Variants in MTO1 observed in about 807,000 individuals in gnomAD.
MTO1 encodes the protein mitochondrial tRNA translation optimization 1.
A neutral mutation model predicts 71.6 loss-of-function variants in MTO1; 46 were observed. The observed-to-expected ratio is 0.64, with a 90% CI of 0.51 to 0.82. The LOEUF (loss-of-function observed/expected upper bound fraction) is 0.82. Ranked by LOEUF, MTO1 falls within the 40% of genes least tolerant of loss-of-function variation. MTO1 has a pLI of 0.00. For missense variants in MTO1, 773 were observed against 867.5 expected (o/e 0.89, Z 1.37); for synonymous variants, 297 against 312.1 (o/e 0.95, Z 0.51).
At chr6:73,474,528 A>C (rs908705868) in intron 4 of MTO1, among the ~76,000 whole-genome samples, 22 of 152,050 alleles carry the variant, frequency 1.4e-4, no homozygotes, top group Non-Finnish European at 2.5e-4. Context: ...GGTGCACTGC[A>C]ACTTCCGCAT....
chr6:73,469,496 C>T (rs1272195732), intron 3 of MTO1, among the ~76,000 whole-genome samples: 2 of 152,080 alleles, frequency 1.3e-5, no homozygotes, highest in East Asian at 1.9e-4. Flanking sequence ...GTGGCATGCA[C>T]CTGTAATCCC....
Position 73,509,143 on chromosome 6 carries a change from A to G in MTO1, c.*8408A>G, listed in dbSNP as rs1299045975. 1 of 152,166 alleles carries G rather than the reference A, an allele frequency of 6.6e-6. No individual in the cohort carries two copies. Among genetic ancestry groups the G allele is most frequent in the South Asian group, 2.1e-4 (1 of 4,828 alleles). 9.4% of individuals were successfully genotyped at this position (152,166 alleles called of 1,614,324 possible). ...TAACCAAGTTTTATTTATGTTTTTC[A>G]TTTGGTATTAGCCATCTGGTATTTA... is the stretch of plus-strand genomic sequence containing the variant. On this transcript the variant is annotated 3_prime_UTR_variant, in exon 12 of 12. Coordinates refer to ENST00000498286, the MANE Select transcript of MTO1 (RefSeq NM_012123.4).
At chr6:73,467,747 T>C (rs1383296678) in intron 3 of MTO1, among the ~76,000 whole-genome samples, 1 of 152,170 alleles carries the variant, frequency 6.6e-6, no homozygotes, top group Non-Finnish European at 1.5e-5. Flanking sequence ...CTTCCATATT[T>C]CTGAATAGCA....
chr6:73,496,076 G>A (rs1309775808), intron 10 of MTO1, among the ~76,000 whole-genome samples: 1 of 152,084 alleles, frequency 6.6e-6, no homozygotes, highest in Admixed American at 6.6e-5. Context: ...AGTCATCTGG[G>A]CCAGCCCTTG....
At position 73,479,828 on chromosome 6, in the gene MTO1, A is replaced by G. The variant is rs145043138; in HGVS notation, c.922A>G (p.Thr308Ala). 2.8e-3 allele frequency: 4,525 copies of G among 1,613,106 alleles called. 8 individuals are homozygous for G. Among genetic ancestry groups the G allele is most frequent in the Non-Finnish European group, 3.6e-3 (4,210 of 1,179,120 alleles). ...NLHLNSHVKE[T>A]TRGPRYCPSI... is the part of the protein sequence containing the mutation. ...TCACCTTAATAGTCATGTTAAAGAA[A>G]CGACAAGAGGACCTCGGTAAGGACA... is the stretch of plus-strand genomic sequence containing the variant. The change falls in exon 5 of 12, where the codon ACG (threonine) becomes GCG (alanine). Residue 308 changes from threonine (T) to alanine (A), a missense_variant. Coordinates refer to ENST00000498286, the MANE Select transcript of MTO1 (RefSeq NM_012123.4).
At chr6:73,486,070 C>T (rs1304324660) in intron 9 of MTO1, among the ~76,000 whole-genome samples, 1 of 152,158 alleles carries the variant, frequency 6.6e-6, no homozygotes, top group Non-Finnish European at 1.5e-5. Flanking sequence ...GAGCTCTGTA[C>T]TCTGAGGCTT....
intron 10 of MTO1, among the ~76,000 whole-genome samples, chr6:73,496,216 CTACCAA>C (rs1386664554): frequency 6.6e-6 from 1 of 152,150 alleles, no homozygotes; most frequent in Non-Finnish European, 1.5e-5. Context: ...GGAAAAGATG[CTACCAA>C]AACCTCAGAG....
chr6:73,482,641 C>T (rs752463646), intron 9 of MTO1, 21 bp downstream of exon 9: 2 of 1,556,808 alleles, frequency 1.3e-6, no homozygotes, highest in Non-Finnish European at 1.7e-6. Context: ...TTAATATAGA[C>T]CTTTCTCACT....
In MTO1 at chr6:73,482,439, C is replaced by T; in HGVS notation, c.1466-10C>T. 1 of 1,601,450 alleles carries T rather than the reference C, an allele frequency of 6.2e-7. No individual in the cohort carries two copies. The highest frequency in any genetic ancestry group is 8.5e-7 in the Non-Finnish European group (1 of 1,176,052). On this transcript the variant is annotated splice_polypyrimidine_tract_variant and intron_variant, in intron 8 of 11. Coordinates refer to ENST00000498286, the MANE Select transcript of MTO1 (RefSeq NM_012123.4). ...CACTTCTCATTATATTCTCTTTCTC[C>T]CTTCCCTAGGGTATAAAGACGCTGG...
In MTO1 at chr6:73,473,586, C is replaced by A; in HGVS notation, c.757C>A (p.Leu253Ile). 7 of 1,613,940 alleles carry A rather than the reference C, an allele frequency of 4.3e-6. No individual in the cohort carries two copies. The highest frequency in any genetic ancestry group is 5.1e-6 in the Non-Finnish European group (6 of 1,179,952). ...IAKESINFSI[L>I]NKHIPDNPSI... ...CAAAGAGTCCATTAATTTCAGTATT[C>A]TAAACAAGCATATACCGGACAATCC... Residue 253 changes from leucine to isoleucine, a missense_variant, in exon 4 of 12, where the codon CTA becomes ATA. By Grantham distance (5) the Leu-to-Ile change is conservative. Coordinates refer to ENST00000498286, the MANE Select transcript of MTO1 (RefSeq NM_012123.4).
chr6:73,492,051 A>C (rs1771823500), intron 9 of MTO1, 183 bp from the exon 10 acceptor site: 3 of 471,502 alleles, frequency 6.4e-6, no homozygotes, highest in African/African-American at 2.0e-5. Context: ...GCAGTGAGCC[A>C]AGATTGTACC....
chr6:73,480,443 T>C (rs2150036133), intron 6 of MTO1: 1 of 591,142 alleles, frequency 1.7e-6, no homozygotes, highest in South Asian at 1.8e-5. Context: ...GCTAATTTTG[T>C]ATTTTTAGTA....
At chr6:73,475,947 C>A (rs980762905) in intron 4 of MTO1, among the ~76,000 whole-genome samples, 16 of 152,274 alleles carry the variant, frequency 1.1e-4, no homozygotes, top group African/African-American at 3.8e-4. Flanking sequence ...AGGCAGCCGC[C>A]CCCTTGCCCA....
At chr6:73,470,296 C>T (rs1332068662) in intron 3 of MTO1, among the ~76,000 whole-genome samples, 2 of 151,620 alleles carry the variant, frequency 1.3e-5, no homozygotes, top group Non-Finnish European at 2.9e-5. Context: ...AACCTCTGCC[C>T]CCCAGGTTCA....
Position 73,501,893 on chromosome 6 carries a change from TACTATAATTGCATATGGCC to T in MTO1, c.*1162_*1180del, listed in dbSNP as rs1157998571. ...GGTGTGAGGCAACCAAGTATCTTGTTACTATAATTGCATATGGCCACTTGGAGGTAGCTTAGTTTTCTTG... is the reference window on the plus strand; with the variant it reads ...GGTGTGAGGCAACCAAGTATCTTGTTACTTGGAGGTAGCTTAGTTTTCTTG... On this transcript the variant is annotated 3_prime_UTR_variant, in exon 12 of 12. Coordinates refer to ENST00000498286, the MANE Select transcript of MTO1 (RefSeq NM_012123.4). 1 of 152,206 alleles carries T rather than the reference TACTATAATTGCATATGGCC, an allele frequency of 6.6e-6. No homozygotes were observed. Among genetic ancestry groups the T allele is most frequent in the African/African-American group, 2.4e-5 (1 of 41,448 alleles). The allele number at this position is 152,206 out of a possible 1,614,324, so 9.4% of individuals were successfully genotyped here. A position where few individuals can be genotyped will look rare whatever the true frequency, so the allele number is the denominator to read the frequency against.
intron 3 of MTO1, among the ~76,000 whole-genome samples, chr6:73,472,873 A>G (rs1459170724): frequency 6.6e-6 from 1 of 152,238 alleles, no homozygotes; most frequent in Non-Finnish European, 1.5e-5. Context: ...TAAGTCTTGA[A>G]AAAACAAAAA....
In MTO1 at chr6:73,480,054, C is replaced by G. The variant is rs1771442131; in HGVS notation, c.1057C>G (p.Leu353Val). Residue 353 changes from leucine to valine, a missense_variant, in exon 6 of 12, where the codon CTA becomes GTA. Physicochemically the swap from Leu to Val is conservative, Grantham distance 32. Transcript: ENST00000498286. ...CTACCCACAGGGGTTATCTATGACG[C>G]TACCAGCTGAGTTACAAGAGAAAAT... is the stretch of plus-strand genomic sequence containing the variant. ...LIYPQGLSMT[L>V]PAELQEKMIT... The G allele has an allele frequency of 1.2e-6, 2 of 1,614,038 alleles. No homozygotes were observed. The highest frequency in any genetic ancestry group is 1.3e-5 in the African/African-American group (1 of 74,924).
chr6:73,485,780 C>T (rs1209534263), intron 9 of MTO1, among the ~76,000 whole-genome samples: 3 of 152,098 alleles, frequency 2.0e-5, no homozygotes, highest in Admixed American at 6.6e-5. Context: ...AATGCCCAGA[C>T]ATATAAAGCT....
At chr6:73,469,396 G>A (rs1278744158) in intron 3 of MTO1, among the ~76,000 whole-genome samples, 1 of 151,842 alleles carries the variant, frequency 6.6e-6, no homozygotes, top group South Asian at 2.1e-4. Context: ...AGGCTGAGGC[G>A]GGCGGATCAC....
Sources: gnomAD v4.1 joint callset for allele counts (sites outside exome capture counted in the v4.1 genomes callset) on GRCh38, gnomAD v4.1.1 for gene constraint, MANE v1.5 for transcripts, NCBI Gene and HGNC (gene_info 2026-07-23, HGNC 2026-07-21) for gene names.